ODF2L: variants seen among roughly 807,000 people sequenced by gnomAD.
ODF2L encodes the protein protein BCAP.
ODF2L carries 76 observed loss-of-function variants against 86.3 expected under a neutral mutation model. The observed-to-expected ratio is 0.88, with a 90% CI of 0.73 to 1.07. The LOEUF is 1.07. Ranked by LOEUF, ODF2L falls within the 50% of genes least tolerant of loss-of-function variation. The pLI is 0.00. For missense variants in ODF2L, 748 were observed against 717.4 expected, an observed-to-expected ratio of 1.04 and a Z score of -0.49; for synonymous variants, 241 against 231.3, an observed-to-expected ratio of 1.04 and a Z score of -0.38.
At chr1:86,384,265 G>A (rs1660780981) in intron 4 of ODF2L, among the ~76,000 whole-genome samples, 1 of 151,694 alleles carries the variant, frequency 6.6e-6, no homozygotes, top group Admixed American at 6.6e-5. Context: ...GGTGATGGCT[G>A]CACAACTCTG....
chr1:86,369,268 T>TA (rs768670060), intron 10 of ODF2L, among the ~76,000 whole-genome samples: 13 of 151,148 alleles, frequency 8.6e-5, no homozygotes, highest in South Asian at 4.2e-4. Context: ...ATGTCACTGC[T>TA]AAAAAAAAAT....
At chr1:86,375,191 G>A (rs1265344371) in intron 8 of ODF2L, among the ~76,000 whole-genome samples, 1 of 152,110 alleles carries the variant, frequency 6.6e-6, no homozygotes, top group Non-Finnish European at 1.5e-5. Flanking sequence ...GAGCTATTGT[G>A]AGCCAGGGAA....
downstream of ODF2L, chr1:86,349,210 TTCTG>T (rs1209856835): frequency 1.3e-5 from 2 of 152,938 alleles, no homozygotes; most frequent in African/African-American, 5.0e-5. Flanking sequence ...TTTTGCCATT[TTCTG>T]TCTAAAAATT....
At chr1:86,353,944 A>T (rs1658339773) in intron 16 of ODF2L, among the ~76,000 whole-genome samples, 1 of 152,180 alleles carries the variant, frequency 6.6e-6, no homozygotes, top group African/African-American at 2.4e-5. Flanking sequence ...TGGGACTCTG[A>T]ACTCTTCCTT....
At chr1:86,348,257 A>G (rs934948821), downstream of ODF2L, 1 of 152,082 alleles carries the variant, frequency 6.6e-6, no homozygotes, top group Non-Finnish European at 1.5e-5. Flanking sequence ...CATATACTTG[A>G]AACAATATTA....
At chr1:86,377,199 C>A (rs1486787412) in intron 7 of ODF2L, among the ~76,000 whole-genome samples, 1 of 152,186 alleles carries the variant, frequency 6.6e-6, no homozygotes, top group Non-Finnish European at 1.5e-5. Context: ...GTCATTAAAT[C>A]TTAAATCTCC....
intron 7 of ODF2L, among the ~76,000 whole-genome samples, chr1:86,377,778 G>C (rs989371378): frequency 2.0e-5 from 3 of 152,224 alleles, no homozygotes; most frequent in Non-Finnish European, 2.9e-5. Flanking sequence ...AAGCAGCAAG[G>C]CTCTGGGCCC....
chr1:86,365,483 A>G (rs112024601), intron 11 of ODF2L, among the ~76,000 whole-genome samples: 1,863 of 152,296 alleles, frequency 0.012, 18 homozygotes, highest in Middle Eastern at 0.034. Context: ...TTCTACCTGC[A>G]AAATTAATAT....
chr1:86,377,689 T>C (rs563110699), intron 7 of ODF2L, among the ~76,000 whole-genome samples: 3 of 152,294 alleles, frequency 2.0e-5, no homozygotes, highest in Non-Finnish European at 2.9e-5. Flanking sequence ...ATCCACCCTC[T>C]GAAGAAATGG....
intron 11 of ODF2L, among the ~76,000 whole-genome samples, chr1:86,363,091 CAGT>C (rs1211280105): frequency 1.3e-5 from 2 of 152,162 alleles, no homozygotes; most frequent in Non-Finnish European, 2.9e-5. Context: ...AGGATAATGA[CAGT>C]GGTGCTGGTG....
At chr1:86,366,487 GT>G (rs1659444093) in intron 11 of ODF2L, among the ~76,000 whole-genome samples, 1 of 149,546 alleles carries the variant, frequency 6.7e-6, no homozygotes, top group South Asian at 2.1e-4. Flanking sequence ...ATGGGCTGTG[GT>G]CCCAGCTACT....
intron 11 of ODF2L, among the ~76,000 whole-genome samples, chr1:86,365,340 G>A (rs1399332949): frequency 6.6e-6 from 1 of 152,146 alleles, no homozygotes; most frequent in East Asian, 1.9e-4. Context: ...AATGACTGAT[G>A]TATTCTAGGC....
At chr1:86,361,106 G>A (rs898656201) in intron 11 of ODF2L, among the ~76,000 whole-genome samples, 4 of 152,288 alleles carry the variant, frequency 2.6e-5, no homozygotes, top group African/African-American at 9.6e-5. Context: ...AAGAAGATAT[G>A]TAGAAATGTA....
chr1:86,381,929 A>G (rs1419927588), intron 7 of ODF2L: 1 of 182,270 alleles, frequency 5.5e-6, no homozygotes, highest in East Asian at 1.5e-4. Context: ...ATTTTGGTAT[A>G]TTTAAATTTA....
chr1:86,392,772 C>T (rs527755286), intron 1 of ODF2L, among the ~76,000 whole-genome samples: 1 of 152,162 alleles, frequency 6.6e-6, no homozygotes, highest in South Asian at 2.1e-4. Flanking sequence ...AGAACTCACT[C>T]ATGTAACCAA....
chr1:86,365,353 A>C (rs1226208961), intron 11 of ODF2L, among the ~76,000 whole-genome samples: 1 of 152,242 alleles, frequency 6.6e-6, no homozygotes, highest in Non-Finnish European at 1.5e-5. Context: ...TTCTAGGCAC[A>C]GTACTAGGCA....
chr1:86,379,850 G>A (rs942437856), intron 7 of ODF2L, among the ~76,000 whole-genome samples: 2 of 152,130 alleles, frequency 1.3e-5, no homozygotes, highest in Non-Finnish European at 2.9e-5. Flanking sequence ...TTCTATCATT[G>A]AATGTGATTG....
At position 86,382,374 on chromosome 1, in the gene ODF2L, A is replaced by G. The variant is rs768210960; in HGVS notation, c.508-16T>C. 1.4e-5 allele frequency: 22 copies of G among 1,607,558 alleles called. No homozygotes were observed. Among genetic ancestry groups the G allele is most frequent in the Non-Finnish European group, 1.9e-5 (22 of 1,177,848 alleles). On this transcript the variant is annotated splice_polypyrimidine_tract_variant and intron_variant, in intron 6 of 17. Transcript: ENST00000317336. Reference sequence around the variant, plus strand: ...AAGTATTTGCCTGTAACAAAGAGAAAGAGAAAACCAAAAAAATCCATATTA... The same window carrying G: ...AAGTATTTGCCTGTAACAAAGAGAAGGAGAAAACCAAAAAAATCCATATTA...
chr1:86,376,381 G>A (rs776090987), exon 8 of ODF2L: 7 of 1,601,902 alleles, frequency 4.4e-6, no homozygotes, highest in Non-Finnish European at 5.1e-6. Flanking sequence ...ATTCATTCTT[G>A]ATTGCAGGTT....
Sources: gnomAD v4.1 joint callset for allele counts (sites outside exome capture counted in the v4.1 genomes callset) on GRCh38, gnomAD v4.1.1 for gene constraint, MANE v1.5 for transcripts, NCBI Gene and HGNC (gene_info 2026-07-23, HGNC 2026-07-21) for gene names.